The following CHD5 variants were observed in gnomAD, a reference collection of about 807,000 sequenced individuals.
CHD5 encodes ATP-dependent chromatin remodeler CHD5.
CHD5 carries 69 observed loss-of-function variants against 230.3 expected under a neutral mutation model. That is an observed-to-expected ratio of 0.30 (90% CI 0.25 to 0.37). The LOEUF is 0.37. CHD5 is among the 10% of genes least tolerant of loss of function. CHD5 has a pLI of 1.00. For missense variants in CHD5, 1,827 were observed against 2,622.8 expected, an observed-to-expected ratio of 0.70 and a Z score of 6.63; for synonymous variants, 1,064 against 1,065.9, an observed-to-expected ratio of 1.00 and a Z score of 0.03.
chr1:6,147,613 T>C (rs1666931601), intron 9 of CHD5, among the ~76,000 whole-genome samples: 1 of 152,148 alleles, frequency 6.6e-6, no homozygotes, highest in Admixed American at 6.5e-5. Context: ...GGGTGACTGA[T>C]TCAGGGAGAC....
At chr1:6,124,768 CG>C in intron 29 of CHD5, 107 bp from the exon 30 acceptor site, 2 of 758,074 alleles carry the variant, frequency 2.6e-6, no homozygotes, top group East Asian at 5.4e-5. Context: ...CTTCAACCAT[CG>C]CCCACCTCCT....
Position 6,152,413 on chromosome 1 carries a change from G to A in CHD5, c.869C>T (p.Ser290Leu), listed in dbSNP as rs773723773. 3.3e-5 allele frequency: 54 copies of A among 1,613,062 alleles called. No individual in the cohort carries two copies. Among genetic ancestry groups the A allele is most frequent in the African/African-American group, 1.3e-4 (10 of 74,896 alleles). The change falls in exon 6 of 42, where the codon TCG becomes TTG. Residue 290 changes from serine to leucine, a missense_variant and splice_region_variant. Ser to Leu is a moderately radical substitution (Grantham distance 145). Transcript: ENST00000262450. ...ACGCGCACACACGCACACACTCACC[G>A]AGGAGCCTTTCTTCCTCTTGTTGCT... The part of the protein sequence containing the change: ...GISNKRKKGS[S>L]SEEDEREESD...
chr1:6,121,294 G>A lies in CHD5; in HGVS notation c.4780-57C>T. 1 of 1,582,828 alleles carries A rather than the reference G, an allele frequency of 6.3e-7. No individual in the cohort carries two copies. The highest frequency in any genetic ancestry group is 8.6e-7 in the Non-Finnish European group (1 of 1,165,492). Reference sequence around the variant, plus strand: ...CCTGGGGCCTCACCAGGAACGGAGGGCGGGGAACGTGCGCTGGGCTGGGAA... The same window carrying A: ...CCTGGGGCCTCACCAGGAACGGAGGACGGGGAACGTGCGCTGGGCTGGGAA... On this transcript the variant is annotated intron_variant, in intron 32 of 41. Transcript: ENST00000262450. This position sits in a 1 kb window ranked among gnomAD's most constrained non-coding sequence, Gnocchi z 4.5.
chr1:6,102,164 C>A lies in CHD5; in HGVS notation c.*3310G>T. On this transcript the variant is annotated 3_prime_UTR_variant, in exon 42 of 42. Coordinates refer to ENST00000262450, the MANE Select transcript of CHD5 (RefSeq NM_015557.3). ...CCCTTCCTCTCCAGGGGTGCTTGGG[C>A]TCCAATCGCTGCTTGAGGAGTTCAG... The A allele has an allele frequency of 3.8e-6, 1 of 264,724 alleles. No individual in the cohort carries two copies. 16.4% of individuals were successfully genotyped at this position (264,724 alleles called of 1,614,324 possible).
rs944440940 is a variant in CHD5 at position 6,105,638 on chromosome 1, G to A, written c.*47-211C>T. On this transcript the variant is annotated intron_variant, in intron 41 of 41. Transcript: ENST00000262450. This position sits in a 1 kb window ranked among gnomAD's most constrained non-coding sequence, Gnocchi z 4.8. ...CACCCAGGAAGCAGCAGTGGGCAGG[G>A]GCAGCCAGCCAGGAAGCCCCTCTGG... 1.3e-5 allele frequency among the ~76,000 whole-genome samples: 2 copies of A among 152,332 alleles called. No individual in the cohort carries two copies. The highest frequency in any genetic ancestry group is 2.9e-5 in the Non-Finnish European group (2 of 68,030).
intron 7 of CHD5, among the ~76,000 whole-genome samples, chr1:6,150,000 AATGGATGGATGGATGG>A (rs58706054): frequency 7.6e-5 from 11 of 144,608 alleles, no homozygotes; most frequent in Admixed American, 6.1e-4. Flanking sequence ...TGGATGGACA[AATGGATGGATGGATGG>A]ATGGATGGAT....
chr1:6,120,287 G>C (rs1472701384), intron 33 of CHD5, among the ~76,000 whole-genome samples: 5 of 152,126 alleles, frequency 3.3e-5, no homozygotes, highest in Non-Finnish European at 1.5e-5. Flanking sequence ...ACCTCATATA[G>C]ACTCATGTTT....
At position 6,130,368 on chromosome 1, in the gene CHD5, G is replaced by A; in HGVS notation, c.3263-40C>T. 2.5e-6 allele frequency: 4 copies of A among 1,601,970 alleles called. No individual in the cohort carries two copies. The highest frequency in any genetic ancestry group is 1.1e-5 in the South Asian group (1 of 90,498). On this transcript the variant is annotated intron_variant, in intron 21 of 41. Coordinates refer to ENST00000262450, the MANE Select transcript of CHD5 (RefSeq NM_015557.3). The surrounding 1 kb of genome is among the most constrained non-coding windows in gnomAD (Gnocchi z 4.9). Reference sequence around the variant, plus strand: ...CCAGCAGATGGGAGTGTTTGGGGGGGTACACCTTGGGTGGGCAGAAAGGAT... The same window carrying A: ...CCAGCAGATGGGAGTGTTTGGGGGGATACACCTTGGGTGGGCAGAAAGGAT...
intron 1 of CHD5, among the ~76,000 whole-genome samples, chr1:6,179,309 A>G (rs1294430302): frequency 1.3e-5 from 2 of 152,116 alleles, no homozygotes; most frequent in African/African-American, 4.8e-5. Flanking sequence ...CGGCCCGGGT[A>G]AAGTGCTTGG....
At position 6,112,118 on chromosome 1, in the gene CHD5, GCCCAACC is replaced by G. The variant is rs771079469; in HGVS notation, c.5140+15_5140+21del. ...CACAGTCAGGAAGCCTCAGCTCTCT[GCCCAACC>G]CCCAACCCCAATACCCGTGAAGCCC... is the stretch of plus-strand genomic sequence containing the variant. On this transcript the variant is annotated intron_variant, in intron 35 of 41. Transcript: ENST00000262450. 6.2e-7 allele frequency: 1 copy of G among 1,610,172 alleles called. No homozygotes were observed. The highest frequency in any genetic ancestry group is 8.5e-7 in the Non-Finnish European group (1 of 1,177,814).
intron 31 of CHD5, among the ~76,000 whole-genome samples, chr1:6,123,581 C>T (rs1442298923): frequency 6.6e-6 from 1 of 152,120 alleles, no homozygotes; most frequent in East Asian, 1.9e-4. Context: ...CACGTGCCAC[C>T]ATGCCCGGCT....
Position 6,128,148 on chromosome 1 carries a change from G to C in CHD5, c.3801C>G (p.Asp1267Glu). The change falls in exon 25 of 42, where the codon GAC becomes GAG. Residue 1267 changes from aspartate to glutamate, a missense_variant. By Grantham distance (45) the Asp-to-Glu change is conservative. This residue lies in a region of CHD5 where 137 missense variants were observed against 272.7 expected (regional missense o/e 0.50). Transcript: ENST00000262450. This position sits in a 1 kb window ranked among gnomAD's most constrained non-coding sequence, Gnocchi z 7.8. ...YDDAAISKLL[D>E]RNQDATDDTE... ...TGTCATCTGTAGCGTCCTGGTTCCG[G>C]TCCAGCAGCTTGGAGATGGCCGCAT... 6.2e-7 allele frequency: 1 copy of C among 1,614,146 alleles called. No individual in the cohort carries two copies. Among genetic ancestry groups the C allele is most frequent in the Non-Finnish European group, 8.5e-7 (1 of 1,180,010 alleles).
At chr1:6,106,186 G>T in intron 41 of CHD5, 48 bp downstream of exon 41, 2 of 1,548,764 alleles carry the variant, frequency 1.3e-6, no homozygotes, top group Non-Finnish European at 8.9e-7. Context: ...GGCCTGGTTT[G>T]CCAGCAATGG....
At chr1:6,143,397 A>G (rs1279845596) in intron 13 of CHD5, among the ~76,000 whole-genome samples, 3 of 152,070 alleles carry the variant, frequency 2.0e-5, no homozygotes, top group Non-Finnish European at 4.4e-5. Flanking sequence ...GACCAGGCCC[A>G]TCTGCCTTTC....
chr1:6,166,431 G>A (rs191638539), intron 2 of CHD5, among the ~76,000 whole-genome samples: 91 of 152,052 alleles, frequency 6.0e-4, no homozygotes, highest in Admixed American at 1.7e-3. Flanking sequence ...GAGAAGGGCC[G>A]GTAGGAGGTG....
In CHD5 at chr1:6,134,104, C is replaced by T. The variant is rs541722017; in HGVS notation, c.3144+24G>A. On this transcript the variant is annotated intron_variant, in intron 20 of 41. Coordinates refer to ENST00000262450, the MANE Select transcript of CHD5 (RefSeq NM_015557.3). This position sits in a 1 kb window ranked among gnomAD's most constrained non-coding sequence, Gnocchi z 6.3. ...CTCTCTGTGGGGTGTGGAGCCGGGG[C>T]GGGGGTGGGCAGGGGCAGCGCACCT... 26 of 1,039,848 alleles carry T rather than the reference C, an allele frequency of 2.5e-5. 1 individual carries two copies. Among genetic ancestry groups the T allele is most frequent in the African/African-American group, 1.5e-4 (9 of 58,268 alleles). 64.4% of individuals were successfully genotyped at this position (1,039,848 alleles called of 1,614,324 possible).
chr1:6,116,855 G>C (rs1278055409), intron 33 of CHD5, among the ~76,000 whole-genome samples: 1 of 152,172 alleles, frequency 6.6e-6, no homozygotes, highest in East Asian at 1.9e-4. Context: ...ACACAAACTG[G>C]TAAGAATGTG....
Position 6,106,795 on chromosome 1 carries a change from G to A in CHD5, c.5579-16C>T, listed in dbSNP as rs1393131325. On this transcript the variant is annotated splice_polypyrimidine_tract_variant and intron_variant, in intron 38 of 41. Coordinates refer to ENST00000262450, the MANE Select transcript of CHD5 (RefSeq NM_015557.3). ...TGGTTCAGGACTGTGGTGGGAGGCG[G>A]AGGGATGGTAGGATGCAGGGATGGA... The A allele has an allele frequency of 1.3e-6, 2 of 1,585,286 alleles. No individual in the cohort carries two copies. Among genetic ancestry groups the A allele is most frequent in the African/African-American group, 2.7e-5 (2 of 73,980 alleles).
chr1:6,106,961 T>G (rs1032662826), intron 38 of CHD5, among the ~76,000 whole-genome samples, 182 bp from the exon 39 acceptor site: 102 of 5,994 alleles, frequency 0.017, no homozygotes, highest in Admixed American at 0.02. Flanking sequence ...AGAGGAGGGG[T>G]GGAGGGGTGG....
Sources: allele counts gnomAD v4.1 joint callset (sites outside exome capture counted in the v4.1 genomes callset), GRCh38; gene constraint gnomAD v4.1.1; regional missense constraint gnomAD v4.1.1; non-coding constraint Gnocchi (gnomAD v3.1); transcripts MANE v1.5; gene names NCBI Gene and HGNC (gene_info 2026-07-23, HGNC 2026-07-21).